Variants in TMX3 observed in about 807,000 individuals in gnomAD.
TMX3 encodes the protein thioredoxin related transmembrane protein 3.
TMX3 carries 40 observed loss-of-function variants against 64.4 expected under a neutral mutation model. That is an observed-to-expected ratio of 0.62 (90% CI 0.48 to 0.81). The LOEUF (loss-of-function observed/expected upper bound fraction) is 0.81, where lower values mean the gene tolerates loss of function less well. Ranked by LOEUF, TMX3 falls within the 30% of genes least tolerant of loss-of-function variation. The pLI is 0.00. For missense variants in TMX3, 497 were observed against 534.5 expected (o/e 0.93, Z 0.69); for synonymous variants, 189 against 175.7 (o/e 1.08, Z -0.60).
chr18:68,705,766 C>G (rs894940422), intron 4 of TMX3, among the ~76,000 whole-genome samples: 2 of 152,194 alleles, frequency 1.3e-5, no homozygotes, highest in Admixed American at 6.5e-5. Flanking sequence ...TTAGTTAAAT[C>G]CATGCATCAA....
At chr18:68,687,029 T>C in intron 10 of TMX3, 8 of 982,866 alleles carry the variant, frequency 8.1e-6, no homozygotes, top group Non-Finnish European at 9.7e-6. Flanking sequence ...ACTCAAAAGC[T>C]ATACTTCCAT....
chr18:68,709,922 A>T, intron 4 of TMX3, 99 bp downstream of exon 4: 2 of 1,174,080 alleles, frequency 1.7e-6, no homozygotes, highest in South Asian at 1.9e-5. Flanking sequence ...ATTGAATTTT[A>T]CATGAGCAAA....
At chr18:68,681,389 G>T in intron 13 of TMX3, 2 of 828,916 alleles carry the variant, frequency 2.4e-6, no homozygotes, top group Admixed American at 6.0e-5. Flanking sequence ...CATATGTATT[G>T]AAAAAAATTC....
At position 68,697,992 on chromosome 18, in the gene TMX3, T is replaced by C; in HGVS notation, c.432A>G (p.Glu144=). ...ATACACGGTGTCTCTTCTGCATATG[T>C]TCAAACATTTGTTGACTTGGAAGTG... ...IRPLPSQQMF[E]HMQKRHRVFF... is the part of the protein sequence containing the mutation. Residue 144 remains glutamate, a synonymous_variant, in exon 7 of 16, where the codon GAA becomes GAG. Coordinates refer to ENST00000299608, the MANE Select transcript of TMX3 (RefSeq NM_019022.5). The C allele has an allele frequency of 6.2e-7, 1 of 1,612,304 alleles. No individual in the cohort carries two copies. The highest frequency in any genetic ancestry group is 8.5e-7 in the Non-Finnish European group (1 of 1,179,712).
At chr18:68,700,729 T>G (rs2029971501) in intron 5 of TMX3, 2 of 983,580 alleles carry the variant, frequency 2.0e-6, no homozygotes, top group Non-Finnish European at 2.4e-6. Context: ...ATTTGATAAC[T>G]GCATTGTATC....
At position 68,687,824 on chromosome 18, in the gene TMX3, T is replaced by C. The variant is rs117919783; in HGVS notation, c.638-59A>G. 8,794 of 1,350,580 alleles carry C rather than the reference T, an allele frequency of 6.5e-3. 238 individuals carry two copies. The East Asian group carries it at 0.073, about 11-fold the overall frequency. 83.7% of individuals were successfully genotyped at this position (1,350,580 alleles called of 1,614,324 possible). A position where few individuals can be genotyped will look rare whatever the true frequency, so the allele number is the denominator to read the frequency against. ...ATAAATATGAATTTAAGAGTTATAA[T>C]AGCTTTAATCTGATAATAGGTATAA... On this transcript the variant is annotated intron_variant, in intron 9 of 15. Transcript: ENST00000299608.
chr18:68,691,365 CA>C lies in TMX3; in HGVS notation c.571-5del. The C allele has an allele frequency of 2.0e-6, 3 of 1,487,260 alleles. No homozygotes were observed. The highest frequency in any genetic ancestry group is 2.7e-6 in the Non-Finnish European group (3 of 1,110,648). The allele number at this position is 1,487,260 out of a possible 1,614,324, so 92.1% of individuals were successfully genotyped here. A position where few individuals can be genotyped will look rare whatever the true frequency, so the allele number is the denominator to read the frequency against. Reference sequence around the variant, plus strand: ...GCATCTCTTTTAGTGTCACATACTGCAAAAAATCAGAAGTTTAAATAACTTT... The same window carrying C: ...GCATCTCTTTTAGTGTCACATACTGCAAAAATCAGAAGTTTAAATAACTTT... On this transcript the variant is annotated splice_region_variant and splice_polypyrimidine_tract_variant and intron_variant, in intron 8 of 15. Coordinates refer to ENST00000299608, the MANE Select transcript of TMX3 (RefSeq NM_019022.5).
chr18:68,675,482 T>C lies in TMX3; in HGVS notation c.*1451A>G, dbSNP rs1047081055. On this transcript the variant is annotated 3_prime_UTR_variant, in exon 16 of 16. Transcript: ENST00000299608. ...CAAGTGTCCATACAGTCTTGATTAG[T>C]ACGGCATTAGAAACAACAGAGGGCT... 2.6e-5 allele frequency: 4 copies of C among 152,166 alleles called. No homozygotes were observed. Among genetic ancestry groups the C allele is most frequent in the Non-Finnish European group, 5.9e-5 (4 of 68,024 alleles). 9.4% of individuals were successfully genotyped at this position (152,166 alleles called of 1,614,324 possible).
intron 8 of TMX3, among the ~76,000 whole-genome samples, chr18:68,694,836 A>T (rs1469170982): frequency 6.6e-6 from 1 of 152,240 alleles, no homozygotes. Context: ...TATTGCAGGA[A>T]GCATTAAACA....
At chr18:68,701,843 T>C (rs2030114072) in intron 4 of TMX3, 53 bp from the exon 5 acceptor site, 5 of 1,455,638 alleles carry the variant, frequency 3.4e-6, no homozygotes, top group African/African-American at 1.4e-5. Flanking sequence ...TATGAGAAAC[T>C]AGGTAACAAA....
intron 5 of TMX3, chr18:68,701,079 C>A: frequency 1.1e-6 from 1 of 932,434 alleles, no homozygotes; most frequent in Non-Finnish European, 1.3e-6. Flanking sequence ...CAGAAGGAAA[C>A]GAAAGGATGA....
intron 3 of TMX3, among the ~76,000 whole-genome samples, chr18:68,711,123 G>C (rs1040806109): frequency 6.6e-6 from 1 of 152,054 alleles, no homozygotes; most frequent in African/African-American, 2.4e-5. Flanking sequence ...CAGGGTTCCA[G>C]CTTTTCCTCT....
chr18:68,705,289 T>G (rs2030554296), intron 4 of TMX3, among the ~76,000 whole-genome samples: 1 of 151,978 alleles, frequency 6.6e-6, no homozygotes, highest in African/African-American at 2.4e-5. Flanking sequence ...TGATAAACCC[T>G]GAAACACAGT....
In TMX3 at chr18:68,687,225, T is replaced by C. The variant is rs1001978531; in HGVS notation, c.736+442A>G. 11 of 985,328 alleles carry C rather than the reference T, an allele frequency of 1.1e-5. No individual in the cohort carries two copies. The African/African-American group carries it at 1.9e-4, about 17-fold the overall frequency. The allele number at this position is 985,328 out of a possible 1,614,324, so 61.0% of individuals were successfully genotyped here. ...ACAGCTTTCATTTTTGTATTCGTGT[T>C]TGTGTTTGCGTTGCCTGTCATTTCC... On this transcript the variant is annotated intron_variant, in intron 10 of 15. Transcript: ENST00000299608.
rs1210563727 is a variant in TMX3 at position 68,675,203 on chromosome 18, T to A, written c.*1730A>T. 2.6e-5 allele frequency: 4 copies of A among 152,148 alleles called. No individual in the cohort carries two copies. Among genetic ancestry groups the A allele is most frequent in the African/African-American group, 9.6e-5 (4 of 41,458 alleles). 9.4% of individuals were successfully genotyped at this position (152,148 alleles called of 1,614,324 possible). On this transcript the variant is annotated 3_prime_UTR_variant, in exon 16 of 16. Coordinates refer to ENST00000299608, the MANE Select transcript of TMX3 (RefSeq NM_019022.5). ...GCTTGACTATTGGGAACATTAACAT[T>A]TATCTTCCCAAGAATCACTCATCAT...
In TMX3 at chr18:68,714,601, G is replaced by A. The variant is rs55719717; in HGVS notation, c.46+335C>T. Among the ~76,000 whole-genome samples the A allele has an allele frequency of 5.6e-3, 851 of 152,094 alleles. 11 individuals are homozygous for A. Among genetic ancestry groups the A allele is most frequent in the African/African-American group, 0.02 (807 of 41,354 alleles). ...GAACCTAAAGCCAAGGCAAGATTTG[G>A]TCGTTAAGCTGGGACGGCGGCATCC... On this transcript the variant is annotated intron_variant, in intron 1 of 15. Coordinates refer to ENST00000299608, the MANE Select transcript of TMX3 (RefSeq NM_019022.5).
At chr18:68,681,772 A>G (rs1419389539) in intron 13 of TMX3, among the ~76,000 whole-genome samples, 19 of 152,210 alleles carry the variant, frequency 1.2e-4, no homozygotes, top group Admixed American at 1.0e-3. Flanking sequence ...AAAGCACAGC[A>G]TCATGTTGTT....
intron 10 of TMX3, chr18:68,686,912 A>G (rs1044697888): frequency 1.0e-6 from 1 of 984,968 alleles, no homozygotes; most frequent in Admixed American, 6.2e-5. Flanking sequence ...AATGTCTCTA[A>G]TTTTTATTAA....
intron 9 of TMX3, chr18:68,689,817 A>G (rs1286889156): frequency 6.6e-6 from 1 of 152,216 alleles, no homozygotes; most frequent in African/African-American, 2.4e-5. Context: ...ATTTAATTAC[A>G]CACCTGTCTC....
Sources: allele counts gnomAD v4.1 joint callset (sites outside exome capture counted in the v4.1 genomes callset), GRCh38; gene constraint gnomAD v4.1.1; transcripts MANE v1.5; gene names NCBI Gene and HGNC (gene_info 2026-07-23, HGNC 2026-07-21).